The following HMGB1 variants were observed in gnomAD, a reference collection of about 807,000 sequenced individuals.
HMGB1 encodes high mobility group protein B1.
For synonymous variants in HMGB1, 81 were observed against 84.0 expected (o/e 0.96, Z 0.19); for missense variants, 79 against 253.5 (o/e 0.31, Z 4.67).
intron 1 of HMGB1, chr13:30,464,669 C>A: frequency 1.0e-6 from 1 of 981,298 alleles, no homozygotes; most frequent in Non-Finnish European, 1.2e-6. Flanking sequence ...GCCGCCGGGG[C>A]CGGCGCGCAC....
chr13:30,610,793 G>T (rs1374543781), intron 1 of HMGB1, among the ~76,000 whole-genome samples: 1 of 151,378 alleles, frequency 6.6e-6, no homozygotes, highest in Non-Finnish European at 1.5e-5. Flanking sequence ...ACAGAGGTAG[G>T]GAAGCAAAAA....
intron 1 of HMGB1, among the ~76,000 whole-genome samples, chr13:30,536,424 A>T (rs1254583908): frequency 1.3e-5 from 2 of 152,060 alleles, no homozygotes; most frequent in Non-Finnish European, 1.5e-5. Context: ...ATCTCGGCTC[A>T]CTGCAAGCTC....
At chr13:30,582,727 T>C (rs1036021141) in intron 1 of HMGB1, among the ~76,000 whole-genome samples, 9 of 152,218 alleles carry the variant, frequency 5.9e-5, no homozygotes, top group African/African-American at 9.6e-5. Flanking sequence ...TTTAAATCAA[T>C]TGGTATATTT....
chr13:30,517,136 T>C (rs1030080763), intron 1 of HMGB1, among the ~76,000 whole-genome samples: 1 of 152,242 alleles, frequency 6.6e-6, no homozygotes, highest in Non-Finnish European at 1.5e-5. Flanking sequence ...TCTCAAACTT[T>C]AGCAGGTTTT....
chr13:30,537,735 G>A (rs181971873), intron 1 of HMGB1, among the ~76,000 whole-genome samples: 66 of 143,582 alleles, frequency 4.6e-4, no homozygotes, highest in African/African-American at 1.4e-3. Flanking sequence ...ATGGACTTGT[G>A]ACTATTTCCA....
intron 1 of HMGB1, among the ~76,000 whole-genome samples, chr13:30,522,079 C>T (rs2137475596): frequency 6.7e-6 from 1 of 148,854 alleles, no homozygotes; most frequent in East Asian, 2.0e-4. Context: ...AGCTTAGTGA[C>T]AGAATGTGAG....
At chr13:30,519,698 A>G (rs999462359) in intron 1 of HMGB1, among the ~76,000 whole-genome samples, 1 of 78,096 alleles carries the variant, frequency 1.3e-5, no homozygotes, top group Non-Finnish European at 3.2e-5. Flanking sequence ...AGACTCCATC[A>G]ATTAAAAAAA....
chr13:30,582,028 G>A (rs948719390), intron 1 of HMGB1, among the ~76,000 whole-genome samples: 1 of 152,156 alleles, frequency 6.6e-6, no homozygotes, highest in South Asian at 2.1e-4. Flanking sequence ...AAATAGAGGT[G>A]AGGGTGAACA....
rs553697363 is a variant in HMGB1, at chr13:30,556,372, C to G, written c.-15+60299G>C. ...TGAGCCGAGATCCTGCCACTGCACT[C>G]TAGCCTGGGCAACAAGAGAGAAACT... On this transcript the variant is annotated intron_variant, in intron 1 of 4. Transcript: ENST00000405805. Among the ~76,000 whole-genome samples the G allele has an allele frequency of 9.2e-5, 14 of 152,318 alleles. No individual in the cohort carries two copies. The East Asian group carries it at 2.7e-3, about 29-fold the overall frequency.
chr13:30,542,117 C>CG (rs1178655468), intron 1 of HMGB1: 2 of 153,622 alleles, frequency 1.3e-5, no homozygotes, highest in Non-Finnish European at 2.9e-5. Flanking sequence ...CAGAGTAGTG[C>CG]GGCCCCGCCT....
chr13:30,538,618 TC>T (rs1868643229), intron 1 of HMGB1, among the ~76,000 whole-genome samples: 1 of 122,178 alleles, frequency 8.2e-6, no homozygotes, highest in African/African-American at 4.8e-5. Context: ...TTTCTCTTTC[TC>T]TCTCTCTTTC....
chr13:30,538,479 T>TTTCA (rs1868569449), intron 1 of HMGB1, among the ~76,000 whole-genome samples: 1 of 32,312 alleles, frequency 3.1e-5, no homozygotes, highest in Admixed American at 3.5e-4. Context: ...TCTTTCTTTC[T>TTTCA]TTCTTTCTTT....
intron 1 of HMGB1, among the ~76,000 whole-genome samples, chr13:30,502,406 C>T (rs962860124): frequency 7.9e-5 from 12 of 152,210 alleles, no homozygotes; most frequent in African/African-American, 2.9e-4. Context: ...TCCTTAAGGC[C>T]CATCCCCCAT....
intron 1 of HMGB1, among the ~76,000 whole-genome samples, chr13:30,536,060 T>C (rs898359112): frequency 6.6e-6 from 1 of 152,244 alleles, no homozygotes; most frequent in African/African-American, 2.4e-5. Flanking sequence ...TCTTACCGTG[T>C]ACACTACAGA....
intron 1 of HMGB1, among the ~76,000 whole-genome samples, chr13:30,552,243 C>T (rs1226507918): frequency 6.6e-6 from 1 of 152,168 alleles, no homozygotes; most frequent in Non-Finnish European, 1.5e-5. Flanking sequence ...TCCCCATCCC[C>T]AAATATTTAC....
intron 1 of HMGB1, among the ~76,000 whole-genome samples, chr13:30,537,270 C>T (rs1455692980): frequency 6.6e-6 from 1 of 152,064 alleles, no homozygotes; most frequent in Non-Finnish European, 1.5e-5. Flanking sequence ...AAGCTTTTTG[C>T]ATCTCCTCTC....
At chr13:30,501,070 C>A (rs534325132) in intron 1 of HMGB1, among the ~76,000 whole-genome samples, 5 of 152,150 alleles carry the variant, frequency 3.3e-5, no homozygotes, top group Non-Finnish European at 5.9e-5. Context: ...GATCCTCCCA[C>A]CTTGGCCTCC....
intron 1 of HMGB1, among the ~76,000 whole-genome samples, chr13:30,608,908 T>C (rs1200844808): frequency 6.6e-6 from 1 of 152,240 alleles, no homozygotes; most frequent in Non-Finnish European, 1.5e-5. Context: ...ATGGAGTTTA[T>C]AGTATATTTG....
upstream of HMGB1, among the ~76,000 whole-genome samples, chr13:30,467,761 G>A (rs151159208): frequency 6.6e-6 from 1 of 152,192 alleles, no homozygotes; most frequent in Non-Finnish European, 1.5e-5. Flanking sequence ...CAGTGGCATC[G>A]ATGATATTAA....
Sources: allele counts gnomAD v4.1 joint callset (sites outside exome capture counted in the v4.1 genomes callset), GRCh38; gene constraint gnomAD v4.1.1; transcripts MANE v1.5; gene names NCBI Gene and HGNC (gene_info 2026-07-23, HGNC 2026-07-21).